The following BACH2 variants were observed in gnomAD, a reference collection of about 807,000 sequenced individuals.
The protein encoded by BACH2 is BACH transcriptional regulator 2.
A neutral mutation model predicts 61.8 loss-of-function variants in BACH2; 5 were observed. That is an observed-to-expected ratio of 0.08 (90% CI 0.04 to 0.17). The LOEUF is 0.17. BACH2 is among the 10% of genes least tolerant of loss of function. The pLI is 1.00. For synonymous variants in BACH2, 446 were observed against 440.1 expected (o/e 1.01, Z -0.17); for missense variants, 824 against 1,091.1 (o/e 0.76, Z 3.45).
At chr6:89,989,527 C>T (rs1034829194) in intron 6 of BACH2, among the ~76,000 whole-genome samples, 26 of 152,038 alleles carry the variant, frequency 1.7e-4, no homozygotes, top group Non-Finnish European at 3.4e-4. Flanking sequence ...TAGGTGGTGG[C>T]CAGAAAGGGA....
At chr6:90,239,556 T>C (rs1770367853) in intron 3 of BACH2, among the ~76,000 whole-genome samples, 1 of 152,188 alleles carries the variant, frequency 6.6e-6, no homozygotes, top group South Asian at 2.1e-4. Flanking sequence ...TCTTTTCACT[T>C]TAAAAATTAT....
chr6:89,935,994 G>C (rs1167527891), intron 8 of BACH2, among the ~76,000 whole-genome samples: 1 of 152,176 alleles, frequency 6.6e-6, no homozygotes, highest in African/African-American at 2.4e-5. Flanking sequence ...ACATGTTAAA[G>C]CAATATTTGA....
chr6:90,219,176 A>G, intron 3 of BACH2, among the ~76,000 whole-genome samples: 1 of 152,218 alleles, frequency 6.6e-6, no homozygotes, highest in East Asian at 1.9e-4. Context: ...TAGAGCCAGC[A>G]AAGAGCTAAA....
intron 3 of BACH2, among the ~76,000 whole-genome samples, chr6:90,226,562 T>C (rs898002627): frequency 2.6e-5 from 4 of 152,226 alleles, no homozygotes; most frequent in African/African-American, 9.6e-5. Flanking sequence ...CTGTTACCAC[T>C]GAGAACATTT....
chr6:89,965,573 T>C lies in BACH2; in HGVS notation c.244-13711A>G, dbSNP rs1775005619. The stretch of plus-strand genomic sequence containing the variant: ...TGCCTTGTACACCCTAGAGTCTCAA[T>C]AACTATTAGTTGAACTAAACCGAGC... On this transcript the variant is annotated intron_variant, in intron 6 of 8. Transcript: ENST00000257749. Among the ~76,000 whole-genome samples the C allele has an allele frequency of 2.6e-5, 4 of 152,250 alleles. No homozygotes were observed. In the South Asian group the frequency reaches 8.3e-4, roughly 31 times the overall value.
chr6:90,159,640 T>C (rs766824886), intron 4 of BACH2, among the ~76,000 whole-genome samples: 2 of 151,938 alleles, frequency 1.3e-5, no homozygotes, highest in Non-Finnish European at 2.9e-5. Context: ...AATAGGGACA[T>C]AACCTATTTT....
intron 4 of BACH2, among the ~76,000 whole-genome samples, chr6:90,189,535 G>T (rs1768486160): frequency 6.7e-6 from 1 of 149,084 alleles, no homozygotes; most frequent in Non-Finnish European, 1.5e-5. Context: ...GTGAACCCGG[G>T]AAGCGGAGCT....
In BACH2 at chr6:90,014,464, ATATATTTTTTTTT is replaced by A. The variant is rs1562370138; in HGVS notation, c.-12-5621_-12-5609del. On this transcript the variant is annotated intron_variant, in intron 5 of 8. Coordinates refer to ENST00000257749, the MANE Select transcript of BACH2 (RefSeq NM_021813.4). ...TGTATATATATATATATATATATAT[ATATATTTTTTTTT>A]TTTTTTTTTTTTTTTTAGACAGATT... Among the ~76,000 whole-genome samples, 49 of 56,402 alleles carry A rather than the reference ATATATTTTTTTTT, an allele frequency of 8.7e-4. No homozygotes were observed. The East Asian group carries it at 0.014, about 16-fold the overall frequency. 37.0% of individuals were successfully genotyped at this position (56,402 alleles called of 152,430 possible). A position where few individuals can be genotyped will look rare whatever the true frequency, so the allele number is the denominator to read the frequency against.
At chr6:89,942,301 T>C (rs1773482153) in intron 7 of BACH2, among the ~76,000 whole-genome samples, 1 of 152,144 alleles carries the variant, frequency 6.6e-6, no homozygotes, top group Non-Finnish European at 1.5e-5. Flanking sequence ...GACTGTTTGG[T>C]CCCGTGGAGG....
intron 2 of BACH2, among the ~76,000 whole-genome samples, chr6:90,254,637 C>T (rs915053950): frequency 1.3e-5 from 2 of 151,902 alleles, no homozygotes; most frequent in East Asian, 1.9e-4. Context: ...TTAGAATATA[C>T]ATTTTATATT....
intron 1 of BACH2, among the ~76,000 whole-genome samples, 170 bp downstream of exon 1, chr6:90,296,310 T>C (rs1772384375): frequency 1.3e-5 from 2 of 150,928 alleles, no homozygotes; most frequent in South Asian, 2.1e-4. Context: ...GAAAATGCCA[T>C]AAAAGCGGGC....
intron 5 of BACH2, among the ~76,000 whole-genome samples, chr6:90,079,104 G>A (rs1781604217): frequency 1.3e-5 from 2 of 152,172 alleles, no homozygotes; most frequent in African/African-American, 2.4e-5. Flanking sequence ...GAATGCTGGC[G>A]CCGCCTCTCT....
At chr6:89,959,693 C>T (rs553405825) in intron 6 of BACH2, among the ~76,000 whole-genome samples, 1 of 152,296 alleles carries the variant, frequency 6.6e-6, no homozygotes, top group African/African-American at 2.4e-5. Context: ...TTACCAACTA[C>T]TAATTTTGAC....
chr6:90,016,294 T>C (rs1415310955), intron 5 of BACH2, among the ~76,000 whole-genome samples: 1 of 152,236 alleles, frequency 6.6e-6, no homozygotes, highest in Non-Finnish European at 1.5e-5. Context: ...GGTTTAGATC[T>C]GCCATTTTGC....
At chr6:90,109,543 T>C (rs1783075049) in intron 4 of BACH2, among the ~76,000 whole-genome samples, 2 of 152,194 alleles carry the variant, frequency 1.3e-5, no homozygotes, top group South Asian at 4.1e-4. Flanking sequence ...TTATTATATG[T>C]TGCCCCTGAC....
At chr6:90,126,525 G>A (rs1266379265) in intron 4 of BACH2, among the ~76,000 whole-genome samples, 3 of 152,150 alleles carry the variant, frequency 2.0e-5, no homozygotes, top group Non-Finnish European at 4.4e-5. Context: ...AAACAAAAGA[G>A]TGAACATGAA....
chr6:90,213,803 T>C (rs999459139), intron 3 of BACH2, among the ~76,000 whole-genome samples: 1 of 152,216 alleles, frequency 6.6e-6, no homozygotes, highest in Non-Finnish European at 1.5e-5. Flanking sequence ...AATTTAATTA[T>C]AATGTTTGGG....
At chr6:90,264,473 T>C (rs967060418) in intron 2 of BACH2, among the ~76,000 whole-genome samples, 1 of 152,328 alleles carries the variant, frequency 6.6e-6, no homozygotes, top group African/African-American at 2.4e-5. Flanking sequence ...ATCTCCTCTC[T>C]AGGTTTGAAT....
At chr6:90,212,182 G>C (rs967620934) in intron 3 of BACH2, among the ~76,000 whole-genome samples, 1 of 152,092 alleles carries the variant, frequency 6.6e-6, no homozygotes, top group Non-Finnish European at 1.5e-5. Context: ...TCTTCAACTG[G>C]AGACTTTCAA....
Sources: allele counts gnomAD v4.1 joint callset (sites outside exome capture counted in the v4.1 genomes callset), GRCh38; gene constraint gnomAD v4.1.1; transcripts MANE v1.5; gene names NCBI Gene and HGNC (gene_info 2026-07-23, HGNC 2026-07-21).